The following NELL1 variants were observed in gnomAD, a reference collection of about 807,000 sequenced individuals.
NELL1 encodes protein kinase C-binding protein NELL1.
A neutral mutation model predicts 107.4 loss-of-function variants in NELL1; 76 were observed. That is an observed-to-expected ratio of 0.71 (90% CI 0.59 to 0.86). The LOEUF is 0.86. Ranked by LOEUF, NELL1 falls within the 40% of genes least tolerant of loss-of-function variation. The pLI is 0.00. For synonymous variants in NELL1, 353 were observed against 341.2 expected (o/e 1.03, Z -0.38); for missense variants, 1,024 against 1,005.5 (o/e 1.02, Z -0.25).
chr11:21,417,224 C>G (rs1852539795), intron 15 of NELL1, among the ~76,000 whole-genome samples: 1 of 152,006 alleles, frequency 6.6e-6, no homozygotes, highest in African/African-American at 2.4e-5. Context: ...CCTTTTATTT[C>G]TACCTTCTTC....
intron 3 of NELL1, among the ~76,000 whole-genome samples, chr11:20,822,018 A>C (rs1416900314): frequency 1.3e-5 from 2 of 152,184 alleles, no homozygotes; most frequent in African/African-American, 4.8e-5. Context: ...TCTACCAAGG[A>C]TATTAAAGTG....
chr11:21,110,870 AC>A (rs756075986), intron 12 of NELL1, among the ~76,000 whole-genome samples: 55 of 152,212 alleles, frequency 3.6e-4, no homozygotes, highest in Non-Finnish European at 6.9e-4. Context: ...TTGTGTTACT[AC>A]CCTGATGAAA....
At chr11:20,835,256 G>GT (rs1848513531) in intron 3 of NELL1, among the ~76,000 whole-genome samples, 1 of 152,114 alleles carries the variant, frequency 6.6e-6, no homozygotes. Context: ...CTATCTTTCC[G>GT]TAAGTTTTTA....
chr11:21,161,000 T>TACACACACACAC lies in NELL1; in HGVS notation c.1426+47318_1426+47329dup, dbSNP rs72029062. Among the ~76,000 whole-genome samples the TACACACACACAC allele has an allele frequency of 7.0e-5, 10 of 143,242 alleles. No individual in the cohort carries two copies. In the South Asian group the frequency reaches 1.7e-3, roughly 24 times the overall value. The allele number at this position is 143,242 out of a possible 152,430, so 94.0% of individuals were successfully genotyped here. ...GGTTTTAACCTCTTGCTAGCCTTTA[T>TACACACACACAC]ACACACACACACACACACACACACA... is the stretch of plus-strand genomic sequence containing the variant. On this transcript the variant is annotated intron_variant, in intron 13 of 19. Transcript: ENST00000357134.
At chr11:21,086,996 G>A (rs532536418) in intron 12 of NELL1, among the ~76,000 whole-genome samples, 2 of 152,008 alleles carry the variant, frequency 1.3e-5, no homozygotes, top group African/African-American at 4.8e-5. Context: ...GTGTCACCAC[G>A]CCTGGCTAAT....
At chr11:21,145,179 T>C (rs1330403858) in intron 13 of NELL1, among the ~76,000 whole-genome samples, 1 of 152,190 alleles carries the variant, frequency 6.6e-6, no homozygotes, top group Non-Finnish European at 1.5e-5. Context: ...AGGCAGTGTT[T>C]CGTATAGAAT....
chr11:21,093,339 A>T (rs1406940597), intron 12 of NELL1, among the ~76,000 whole-genome samples: 1 of 151,940 alleles, frequency 6.6e-6, no homozygotes, highest in African/African-American at 2.4e-5. Context: ...TGATTGATTG[A>T]TTTTTTTTAT....
intron 13 of NELL1, among the ~76,000 whole-genome samples, chr11:21,148,934 T>TA (rs1856048503): frequency 6.6e-6 from 1 of 152,212 alleles, no homozygotes; most frequent in African/African-American, 2.4e-5. Flanking sequence ...GGCTCATTGA[T>TA]ACTTTGTTTA....
At chr11:21,434,827 AT>A (rs1324513093) in intron 15 of NELL1, among the ~76,000 whole-genome samples, 6 of 151,764 alleles carry the variant, frequency 4.0e-5, no homozygotes. Context: ...GTCCTATTCC[AT>A]TTTTTTGTGT....
chr11:20,825,871 T>C (rs1206131714), intron 3 of NELL1, among the ~76,000 whole-genome samples: 1 of 151,240 alleles, frequency 6.6e-6, no homozygotes, highest in Non-Finnish European at 1.5e-5. Flanking sequence ...ATGGTCCGGC[T>C]CTATGTCCCC....
intron 11 of NELL1, among the ~76,000 whole-genome samples, chr11:20,956,466 G>A (rs1016814475): frequency 6.6e-6 from 1 of 151,874 alleles, no homozygotes; most frequent in Non-Finnish European, 1.5e-5. Flanking sequence ...CTATCACGGT[G>A]AAACCCCGTC....
chr11:20,892,870 A>G (rs1029409368), intron 5 of NELL1, among the ~76,000 whole-genome samples: 2 of 150,092 alleles, frequency 1.3e-5, no homozygotes, highest in Non-Finnish European at 3.0e-5. Context: ...TGGAGGTTGC[A>G]GTGAGCTGAG....
At chr11:21,077,164 T>C (rs115717654) in intron 12 of NELL1, among the ~76,000 whole-genome samples, 4 of 152,170 alleles carry the variant, frequency 2.6e-5, no homozygotes, top group African/African-American at 9.6e-5. Context: ...TCTTTAAAGA[T>C]GCATAAAAAG....
At chr11:20,815,540 G>C (rs1031118585) in intron 3 of NELL1, among the ~76,000 whole-genome samples, 5 of 152,120 alleles carry the variant, frequency 3.3e-5, no homozygotes, top group African/African-American at 1.2e-4. Context: ...GTCCCTTGTA[G>C]ATTGTAGTTA....
At chr11:21,177,247 C>A (rs4412753) in intron 13 of NELL1, among the ~76,000 whole-genome samples, 41,562 of 151,502 alleles carry the variant, frequency 0.27, 6,028 homozygotes, top group Middle Eastern at 0.36. Flanking sequence ...ACCAATATCT[C>A]CCCTTTTTCT....
chr11:21,534,086 C>T (rs1440789993), intron 15 of NELL1, among the ~76,000 whole-genome samples: 1 of 152,048 alleles, frequency 6.6e-6, no homozygotes, highest in African/African-American at 2.4e-5. Flanking sequence ...CTGTGCCAAA[C>T]ACCCTCAACC....
intron 14 of NELL1, among the ~76,000 whole-genome samples, chr11:21,287,728 A>G (rs1476316117): frequency 1.3e-5 from 2 of 151,962 alleles, no homozygotes; most frequent in Non-Finnish European, 2.9e-5. Flanking sequence ...GGGGAGTCTT[A>G]TCTTTTTACC....
chr11:20,717,532 G>A (rs114927194), intron 2 of NELL1, among the ~76,000 whole-genome samples: 1,810 of 152,232 alleles, frequency 0.012, 34 homozygotes, highest in African/African-American at 0.041. Flanking sequence ...GAAAAATGAA[G>A]TGAGGAAGTT....
At chr11:20,872,018 CA>C (rs1160968611) in intron 4 of NELL1, among the ~76,000 whole-genome samples, 1,021 of 41,688 alleles carry the variant, frequency 0.024, no homozygotes, top group African/African-American at 0.1. Context: ...GACTCCGTCT[CA>C]AAAAAAAAAA....
Sources: allele counts gnomAD v4.1 joint callset (sites outside exome capture counted in the v4.1 genomes callset), GRCh38; gene constraint gnomAD v4.1.1; transcripts MANE v1.5; gene names NCBI Gene and HGNC (gene_info 2026-07-23, HGNC 2026-07-21).